ST7L: variants seen among roughly 807,000 people sequenced by gnomAD.
ST7L encodes suppression of tumorigenicity 7 like.
In ST7L, 57 loss-of-function variants were observed where a neutral mutation model predicts 72.5. The observed-to-expected ratio is 0.79, with a 90% confidence interval of 0.64 to 0.98. The LOEUF is 0.98. ST7L is among the 50% of genes least tolerant of loss of function. The pLI is 0.00. For synonymous variants in ST7L, 221 were observed against 240.9 expected (o/e 0.92, Z 0.77); for missense variants, 576 against 672.2 (o/e 0.86, Z 1.58).
chr1:112,587,103 G>C (rs1196400584), intron 6 of ST7L, among the ~76,000 whole-genome samples: 1 of 152,154 alleles, frequency 6.6e-6, no homozygotes, highest in Non-Finnish European at 1.5e-5. Flanking sequence ...TCAAGGTGAT[G>C]ATGATTTGTC....
intron 4 of ST7L, 117 bp from the exon 5 acceptor site, chr1:112,598,203 T>C: frequency 1.7e-6 from 1 of 603,528 alleles, no homozygotes; most frequent in South Asian, 2.7e-5. Flanking sequence ...TTTAAAATCT[T>C]ACAATCAGTA....
chr1:112,540,173 C>G lies in ST7L; in HGVS notation c.1629+1778G>C, dbSNP rs1036257944. The G allele has an allele frequency of 2.0e-5, 20 of 985,300 alleles. No individual in the cohort carries two copies. In the African/African-American group the frequency reaches 2.4e-4, roughly 12 times the overall value. The allele number at this position is 985,300 out of a possible 1,614,324, so 61.0% of individuals were successfully genotyped here. ...TATACTACTAACAGTTGGTATAGATCTATTCCAGATTCTAGATCTCCCTCC... is the reference window on the plus strand; with the variant it reads ...TATACTACTAACAGTTGGTATAGATGTATTCCAGATTCTAGATCTCCCTCC... On this transcript the variant is annotated intron_variant, in intron 14 of 14. Transcript: ENST00000358039.
intron 14 of ST7L, among the ~76,000 whole-genome samples, chr1:112,533,737 C>T (rs1654756727): frequency 6.6e-6 from 1 of 152,132 alleles, no homozygotes; most frequent in Admixed American, 6.5e-5. Flanking sequence ...CTTACCATAA[C>T]CTCCAACTCC....
At chr1:112,614,556 A>G (rs953656614) in intron 2 of ST7L, among the ~76,000 whole-genome samples, 1 of 152,098 alleles carries the variant, frequency 6.6e-6, no homozygotes, top group Non-Finnish European at 1.5e-5. Flanking sequence ...TTGGCATTTC[A>G]CTTTAACAAA....
At chr1:112,529,136 C>T in intron 14 of ST7L, 1 of 151,216 alleles carries the variant, frequency 6.6e-6, no homozygotes. Context: ...AACTATGGGT[C>T]TGACCCAGTG....
At chr1:112,601,113 GAAGT>G (rs1036353265) in intron 3 of ST7L, among the ~76,000 whole-genome samples, 32 of 152,218 alleles carry the variant, frequency 2.1e-4, no homozygotes, top group Admixed American at 1.7e-3. Flanking sequence ...TTTAAAATAT[GAAGT>G]TTTAAAACTT....
chr1:112,529,377 C>G (rs1319125759), intron 14 of ST7L: 2 of 152,140 alleles, frequency 1.3e-5, no homozygotes, highest in African/African-American at 2.4e-5. Context: ...AAGAAAAGCT[C>G]AAGGGTTTAC....
intron 11 of ST7L, among the ~76,000 whole-genome samples, chr1:112,558,758 G>A (rs1659606944): frequency 6.6e-6 from 1 of 152,078 alleles, no homozygotes. Flanking sequence ...TAGTGCTTTG[G>A]GCCTATATTC....
intron 3 of ST7L, among the ~76,000 whole-genome samples, chr1:112,603,896 GC>G (rs981956758): frequency 6.6e-6 from 1 of 152,116 alleles, no homozygotes; most frequent in African/African-American, 2.4e-5. Flanking sequence ...ACCACCTGAA[GC>G]CCTATTTTCA....
At chr1:112,543,868 CAAAAAA>C (rs11418345) in intron 13 of ST7L, among the ~76,000 whole-genome samples, 11 of 59,448 alleles carry the variant, frequency 1.9e-4, no homozygotes, top group Non-Finnish European at 3.5e-4. Flanking sequence ...GACTCTATCT[CAAAAAA>C]AAAAAAAAAA....
chr1:112,609,166 AAATAAT>A (rs1323112958), intron 3 of ST7L, among the ~76,000 whole-genome samples: 3 of 151,916 alleles, frequency 2.0e-5, no homozygotes, highest in Non-Finnish European at 4.4e-5. Context: ...ATCTCTATTA[AAATAAT>A]AATAATAATA....
At chr1:112,574,081 A>AT (rs1242703191) in intron 11 of ST7L, among the ~76,000 whole-genome samples, 1 of 147,166 alleles carries the variant, frequency 6.8e-6, no homozygotes. Flanking sequence ...CACCCGGTTA[A>AT]TTTTTTTGTA....
In ST7L at chr1:112,525,739, A is replaced by G. The variant is rs1653282679; in HGVS notation, c.*274T>C. ...ATGCGGTGACTTGACTTCAACCCCAACAGCCCCTGTAAGTAGCCCTGGCCA... is the reference window on the plus strand; with the variant it reads ...ATGCGGTGACTTGACTTCAACCCCAGCAGCCCCTGTAAGTAGCCCTGGCCA... On this transcript the variant is annotated 3_prime_UTR_variant, in exon 15 of 15. Coordinates refer to ENST00000358039, the MANE Select transcript of ST7L (RefSeq NM_017744.5). The G allele has an allele frequency of 3.2e-6, 1 of 311,230 alleles. No homozygotes were observed. Among genetic ancestry groups the G allele is most frequent in the Admixed American group, 4.4e-5 (1 of 22,810 alleles). 19.3% of individuals were successfully genotyped at this position (311,230 alleles called of 1,614,324 possible).
chr1:112,564,863 T>C (rs2101691729), intron 11 of ST7L, among the ~76,000 whole-genome samples: 1 of 149,156 alleles, frequency 6.7e-6, no homozygotes, highest in East Asian at 2.0e-4. Context: ...CTAGGGTGGA[T>C]AAGACTTGTA....
At chr1:112,552,260 T>A (rs866776635) in intron 12 of ST7L, among the ~76,000 whole-genome samples, 1 of 81,696 alleles carries the variant, frequency 1.2e-5, no homozygotes, top group Non-Finnish European at 2.1e-5. Flanking sequence ...CTGTTTTTTT[T>A]CCCCCCGATC....
intron 5 of ST7L, among the ~76,000 whole-genome samples, chr1:112,595,710 T>C (rs1252952164): frequency 6.6e-6 from 1 of 152,158 alleles, no homozygotes; most frequent in African/African-American, 2.4e-5. Context: ...TAAGCCACTG[T>C]CCTTGGCCTA....
At chr1:112,528,828 G>GA (rs1418299951) in intron 14 of ST7L, 1 of 152,146 alleles carries the variant, frequency 6.6e-6, no homozygotes, top group African/African-American at 2.4e-5. Flanking sequence ...ATAGTGAATA[G>GA]AAGAGCTGCA....
chr1:112,531,873 ACAAAT>A (rs781340080), intron 14 of ST7L, among the ~76,000 whole-genome samples: 46 of 152,206 alleles, frequency 3.0e-4, no homozygotes, highest in Non-Finnish European at 5.9e-4. Flanking sequence ...AACTTTGAAA[ACAAAT>A]CAAGACAGGC....
chr1:112,604,883 C>A (rs1667967565), intron 3 of ST7L, among the ~76,000 whole-genome samples: 1 of 135,604 alleles, frequency 7.4e-6, no homozygotes, highest in Non-Finnish European at 1.5e-5. Flanking sequence ...GTCAGGTGTT[C>A]AAGATCAGCC....
Sources: allele counts gnomAD v4.1 joint callset (sites outside exome capture counted in the v4.1 genomes callset), GRCh38; gene constraint gnomAD v4.1.1; transcripts MANE v1.5; gene names NCBI Gene and HGNC (gene_info 2026-07-23, HGNC 2026-07-21).